The following CSMD1 variants were observed in gnomAD, a reference collection of about 807,000 sequenced individuals.
CSMD1 encodes the protein CUB and Sushi multiple domains 1, also known as CUB and sushi domain-containing protein 1.
CSMD1 carries 213 observed loss-of-function variants against 417.5 expected under a neutral mutation model. The observed-to-expected ratio is 0.51, with a 90% CI of 0.46 to 0.57. CSMD1 has a LOEUF of 0.57. CSMD1 is among the 20% of genes least tolerant of loss of function. CSMD1 has a pLI of 0.00. For missense variants in CSMD1, 6,923 were observed against 4,529.7 expected (o/e 1.53, Z -15.17); for synonymous variants, 2,862 against 1,736.8 (o/e 1.65, Z -16.11).
chr8:3,639,034 T>A (rs1039040301), intron 7 of CSMD1, among the ~76,000 whole-genome samples: 1 of 152,222 alleles, frequency 6.6e-6, no homozygotes, highest in Non-Finnish European at 1.5e-5. Context: ...GTCCCCAATA[T>A]CCTTCTTTCA....
At chr8:3,500,179 C>T (rs1222703613) in intron 10 of CSMD1, among the ~76,000 whole-genome samples, 2 of 152,258 alleles carry the variant, frequency 1.3e-5, no homozygotes, top group Non-Finnish European at 2.9e-5. Flanking sequence ...CTTAGAGGGT[C>T]TTCTTTACTC....
chr8:3,148,798 T>C (rs564582077), intron 40 of CSMD1, among the ~76,000 whole-genome samples: 1 of 152,206 alleles, frequency 6.6e-6, no homozygotes, highest in African/African-American at 2.4e-5. Flanking sequence ...GCCACTCACA[T>C]GCCTCTCCTC....
At chr8:4,664,089 T>A (rs370586793) in intron 1 of CSMD1, among the ~76,000 whole-genome samples, 148 of 152,306 alleles carry the variant, frequency 9.7e-4, no homozygotes, top group African/African-American at 3.5e-3. Context: ...TGCGTCATCG[T>A]ACAGCCTCAT....
intron 3 of CSMD1, among the ~76,000 whole-genome samples, chr8:4,203,941 A>T (rs1799821233): frequency 6.6e-6 from 1 of 152,108 alleles, no homozygotes; most frequent in South Asian, 2.1e-4. Flanking sequence ...TCTCTACAAA[A>T]AATACAAAAA....
At chr8:3,728,115 C>T (rs1383543342) in intron 6 of CSMD1, among the ~76,000 whole-genome samples, 1 of 152,138 alleles carries the variant, frequency 6.6e-6, no homozygotes, top group Non-Finnish European at 1.5e-5. Flanking sequence ...TCCCATAATT[C>T]CCACGTGCGA....
At chr8:3,260,760 C>T (rs941821477) in intron 26 of CSMD1, among the ~76,000 whole-genome samples, 9 of 152,252 alleles carry the variant, frequency 5.9e-5, no homozygotes, top group African/African-American at 2.2e-4. Context: ...GACTTGACAA[C>T]AGAAGCACAA....
chr8:3,905,598 G>A (rs918217366), intron 5 of CSMD1, among the ~76,000 whole-genome samples: 1 of 152,202 alleles, frequency 6.6e-6, no homozygotes, highest in Non-Finnish European at 1.5e-5. Flanking sequence ...CACACCCAGA[G>A]TTTCCACTTC....
At chr8:3,835,334 A>G (rs1802618684) in intron 5 of CSMD1, among the ~76,000 whole-genome samples, 1 of 152,132 alleles carries the variant, frequency 6.6e-6, no homozygotes, top group Non-Finnish European at 1.5e-5. Flanking sequence ...TCCAACAACG[A>G]CAGACTGGAT....
At chr8:4,244,994 C>T (rs757998536) in intron 3 of CSMD1, among the ~76,000 whole-genome samples, 1 of 152,110 alleles carries the variant, frequency 6.6e-6, no homozygotes, top group Non-Finnish European at 1.5e-5. Context: ...AGTAAATCGA[C>T]AAACATCAAA....
In CSMD1 at chr8:4,452,809, C is replaced by T. The variant is rs139849529; in HGVS notation, c.303-32744G>A. On this transcript the variant is annotated intron_variant, in intron 2 of 69. Transcript: ENST00000635120. ...TTTATTGGATTAATAACAAAAATCC[C>T]CCAGTCCTCAATATCAGGTGAAAAA... Among the ~76,000 whole-genome samples the T allele has an allele frequency of 1.9e-4, 29 of 152,074 alleles. No individual in the cohort carries two copies. In the East Asian group the frequency reaches 3.7e-3, roughly 19 times the overall value.
At chr8:3,236,293 G>A (rs902941942) in intron 26 of CSMD1, among the ~76,000 whole-genome samples, 2 of 151,960 alleles carry the variant, frequency 1.3e-5, no homozygotes, top group Non-Finnish European at 2.9e-5. Flanking sequence ...TATTTTCAAA[G>A]GTTATTTAAA....
At position 3,998,058 on chromosome 8, in the gene CSMD1, G is replaced by A. The variant is rs1183000468; in HGVS notation, c.663C>T (p.Ser221=). The change falls in exon 5 of 70, where the codon AGC becomes AGT. Residue 221 remains serine (S), a synonymous_variant. Coordinates refer to ENST00000635120, the MANE Select transcript of CSMD1 (RefSeq NM_033225.6). ...TCTCGTACTCTGAAGGGAAGTGCGG[G>A]CTGGAGATGGAGCTGCTGGTCCCGC... ...TLRGTSSSIS[S]PHFPSEYENN... 10 of 1,596,384 alleles carry A rather than the reference G, an allele frequency of 6.3e-6. No individual in the cohort carries two copies. Among genetic ancestry groups the A allele is most frequent in the African/African-American group, 2.7e-5 (2 of 74,748 alleles).
At chr8:3,615,938 T>A (rs1329762988) in intron 8 of CSMD1, among the ~76,000 whole-genome samples, 1 of 152,208 alleles carries the variant, frequency 6.6e-6, no homozygotes, top group South Asian at 2.1e-4. Flanking sequence ...ACTATTATAA[T>A]CACTACTGTA....
intron 12 of CSMD1, among the ~76,000 whole-genome samples, chr8:3,411,997 TATAC>T (rs374395556): frequency 0.064 from 2,539 of 39,834 alleles, 1,070 homozygotes; most frequent in Middle Eastern, 0.21. Context: ...TATACGTGTA[TATAC>T]ACGTATATAT....
At chr8:4,557,262 C>G (rs1389922620) in intron 2 of CSMD1, among the ~76,000 whole-genome samples, 1 of 152,242 alleles carries the variant, frequency 6.6e-6, no homozygotes, top group East Asian at 1.9e-4. Context: ...TTAGCTCTTA[C>G]AAGCTAAAGG....
At chr8:4,415,387 C>G (rs892902736) in intron 3 of CSMD1, among the ~76,000 whole-genome samples, 1 of 152,044 alleles carries the variant, frequency 6.6e-6, no homozygotes, top group African/African-American at 2.4e-5. Flanking sequence ...TCCTTGAGAC[C>G]TTCTATTCCG....
At chr8:4,538,870 G>A (rs1431821528) in intron 2 of CSMD1, among the ~76,000 whole-genome samples, 2 of 152,280 alleles carry the variant, frequency 1.3e-5, no homozygotes, top group East Asian at 1.9e-4. Context: ...CAAATGTACA[G>A]TTCTTGCTTA....
intron 7 of CSMD1, among the ~76,000 whole-genome samples, chr8:3,696,435 G>T (rs911313608): frequency 2.0e-5 from 3 of 152,178 alleles, no homozygotes; most frequent in African/African-American, 7.2e-5. Context: ...AGCTACCATG[G>T]ACTGCTTCTG....
At chr8:3,540,555 T>C (rs1463510110) in intron 10 of CSMD1, among the ~76,000 whole-genome samples, 1 of 152,134 alleles carries the variant, frequency 6.6e-6, no homozygotes, top group East Asian at 1.9e-4. Flanking sequence ...AGTAAAGAGC[T>C]TCTGCACGAC....
Sources: gnomAD v4.1 joint callset for allele counts (sites outside exome capture counted in the v4.1 genomes callset) on GRCh38, gnomAD v4.1.1 for gene constraint, MANE v1.5 for transcripts, NCBI Gene and HGNC (gene_info 2026-07-23, HGNC 2026-07-21) for gene names.